IMMP2L: variants seen among roughly 807,000 people sequenced by gnomAD.
IMMP2L encodes mitochondrial inner membrane protease subunit 2.
IMMP2L carries 18 observed loss-of-function variants against 19.3 expected under a neutral mutation model. That is an observed-to-expected ratio of 0.93 (90% CI 0.64 to 1.38). The LOEUF is 1.38. IMMP2L is among the 40% of genes most tolerant of loss of function. IMMP2L has a pLI of 0.00. For missense variants in IMMP2L, 233 were observed against 218.2 expected, an observed-to-expected ratio of 1.07 and a Z score of -0.43; for synonymous variants, 76 against 73.0, an observed-to-expected ratio of 1.04 and a Z score of -0.21.
At chr7:110,818,586 C>A (rs1802749878) in intron 5 of IMMP2L, among the ~76,000 whole-genome samples, 1 of 152,060 alleles carries the variant, frequency 6.6e-6, no homozygotes, top group South Asian at 2.1e-4. Flanking sequence ...ACTAGAAATA[C>A]CATTTGACCC....
chr7:110,821,986 T>C (rs1803076638), intron 5 of IMMP2L, among the ~76,000 whole-genome samples: 1 of 152,018 alleles, frequency 6.6e-6, no homozygotes. Flanking sequence ...AGTCAGAAAC[T>C]TGGGATTTCT....
intron 5 of IMMP2L, among the ~76,000 whole-genome samples, chr7:110,794,225 G>C (rs1351019359): frequency 7.9e-5 from 12 of 152,208 alleles, no homozygotes; most frequent in Admixed American, 7.2e-4. Flanking sequence ...TTTATTTATA[G>C]TTGCTAAAAC....
chr7:111,070,614 A>G (rs1190807457), intron 3 of IMMP2L, among the ~76,000 whole-genome samples: 1 of 152,210 alleles, frequency 6.6e-6, no homozygotes, highest in Non-Finnish European at 1.5e-5. Flanking sequence ...CATCCAAGAA[A>G]TACTAATTGA....
intron 3 of IMMP2L, among the ~76,000 whole-genome samples, chr7:111,289,870 A>C (rs1259170914): frequency 6.6e-6 from 1 of 151,830 alleles, no homozygotes; most frequent in Non-Finnish European, 1.5e-5. Context: ...GGAAATTTTG[A>C]TGTTGACACA....
chr7:110,663,363 C>A lies in IMMP2L; in HGVS notation c.*239G>T. 2.7e-6 allele frequency: 1 copy of A among 375,776 alleles called. No individual in the cohort carries two copies. The highest frequency in any genetic ancestry group is 3.4e-5 in the South Asian group (1 of 29,358). The allele number at this position is 375,776 out of a possible 1,614,324, so 23.3% of individuals were successfully genotyped here. On this transcript the variant is annotated 3_prime_UTR_variant, in exon 6 of 6. Coordinates refer to ENST00000405709, the MANE Select transcript of IMMP2L (RefSeq NM_032549.4). ...ATATTTTTATATTCCCAAAGGTCTG[C>A]ATATTTTGGGGGCATTAAACAACAG...
chr7:111,413,873 G>C (rs149047533), intron 3 of IMMP2L, among the ~76,000 whole-genome samples: 2 of 151,676 alleles, frequency 1.3e-5, no homozygotes, highest in South Asian at 2.1e-4. Flanking sequence ...TTCTCTTTCT[G>C]CTTCCGATAT....
chr7:110,809,209 C>A (rs1801850492), intron 5 of IMMP2L, among the ~76,000 whole-genome samples: 2 of 151,886 alleles, frequency 1.3e-5, no homozygotes, highest in Non-Finnish European at 2.9e-5. Flanking sequence ...TGTTAATATT[C>A]AGTAGGTAAT....
chr7:111,311,906 C>G (rs577181639), intron 3 of IMMP2L, among the ~76,000 whole-genome samples: 1 of 152,218 alleles, frequency 6.6e-6, no homozygotes, highest in African/African-American at 2.4e-5. Context: ...TCCAGAATTC[C>G]ATCATTCCAT....
intron 5 of IMMP2L, among the ~76,000 whole-genome samples, chr7:110,815,928 A>C (rs942794005): frequency 3.3e-5 from 5 of 151,766 alleles, no homozygotes; most frequent in Non-Finnish European, 7.4e-5. Flanking sequence ...CTCCTGCATT[A>C]ATTAATTTTT....
At chr7:111,010,947 A>G (rs955519394) in intron 3 of IMMP2L, among the ~76,000 whole-genome samples, 5 of 118,462 alleles carry the variant, frequency 4.2e-5, no homozygotes, top group African/African-American at 1.3e-4. Flanking sequence ...GGACAAAAAA[A>G]AAAAGGTCAA....
chr7:110,858,531 C>G (rs1357846122), intron 5 of IMMP2L, among the ~76,000 whole-genome samples: 3 of 151,984 alleles, frequency 2.0e-5, no homozygotes, highest in Non-Finnish European at 4.4e-5. Context: ...TTAGAAATAT[C>G]CAGAACCTAT....
intron 2 of IMMP2L, among the ~76,000 whole-genome samples, chr7:111,517,537 C>T (rs927544895): frequency 2.0e-5 from 3 of 151,756 alleles, no homozygotes; most frequent in Non-Finnish European, 2.9e-5. Context: ...AAAGCATATA[C>T]CTTTTATCAG....
chr7:110,715,354 T>C (rs1435665922), intron 5 of IMMP2L, among the ~76,000 whole-genome samples: 1 of 152,152 alleles, frequency 6.6e-6, no homozygotes, highest in African/African-American at 2.4e-5. Flanking sequence ...GTAGGTGTGA[T>C]GTTATATCAT....
At chr7:110,811,713 A>G (rs1562991173) in intron 5 of IMMP2L, among the ~76,000 whole-genome samples, 1 of 152,056 alleles carries the variant, frequency 6.6e-6, no homozygotes, top group East Asian at 1.9e-4. Context: ...GACATCCAAG[A>G]GAGTATTATC....
At chr7:111,530,578 A>T (rs2132793186) in intron 1 of IMMP2L, among the ~76,000 whole-genome samples, 1 of 152,298 alleles carries the variant, frequency 6.6e-6, no homozygotes, top group East Asian at 1.9e-4. Context: ...AAAAGGAAAT[A>T]TAAGACTTAG....
At chr7:111,451,216 A>G (rs1254638982) in intron 3 of IMMP2L, among the ~76,000 whole-genome samples, 1 of 133,566 alleles carries the variant, frequency 7.5e-6, no homozygotes, top group Non-Finnish European at 1.6e-5. Flanking sequence ...CTGGGTATAT[A>G]CCCCCAAATG....
At chr7:111,364,639 A>G (rs1013371314) in intron 3 of IMMP2L, among the ~76,000 whole-genome samples, 10 of 151,666 alleles carry the variant, frequency 6.6e-5, no homozygotes, top group Non-Finnish European at 1.0e-4. Context: ...GGTCTCAAAA[A>G]AAAAAAAAAA....
At chr7:111,538,942 A>T (rs547684467) in intron 1 of IMMP2L, among the ~76,000 whole-genome samples, 2 of 151,224 alleles carry the variant, frequency 1.3e-5, no homozygotes, top group Non-Finnish European at 2.9e-5. Flanking sequence ...CAACATGGTG[A>T]AACCCCGTCT....
intron 3 of IMMP2L, among the ~76,000 whole-genome samples, chr7:111,459,904 C>T (rs1251825846): frequency 6.6e-6 from 1 of 152,114 alleles, no homozygotes; most frequent in East Asian, 1.9e-4. Context: ...GTCTGGAAAG[C>T]ATTCTTGGCT....
Sources: gnomAD v4.1 joint callset for allele counts (sites outside exome capture counted in the v4.1 genomes callset) on GRCh38, gnomAD v4.1.1 for gene constraint, MANE v1.5 for transcripts, NCBI Gene and HGNC (gene_info 2026-07-23, HGNC 2026-07-21) for gene names.